RPGRIP1: variants seen among roughly 807,000 people sequenced by gnomAD.
The protein encoded by RPGRIP1 is RPGR interacting protein 1, also known as X-linked retinitis pigmentosa GTPase regulator-interacting protein 1.
In RPGRIP1, 128 loss-of-function variants were observed where a neutral mutation model predicts 157.9. The ratio of observed to expected loss-of-function variants is 0.81; its 90% CI spans 0.70 to 0.94. The LOEUF (loss-of-function observed/expected upper bound fraction) is 0.94, where lower values mean the gene tolerates loss of function less well. Among genes scored for constraint, RPGRIP1 ranks in the 40% least tolerant of loss-of-function variants. The probability of loss-of-function intolerance (pLI) is 0.00; values close to 1 mark genes in which losing one functional copy is unlikely to be tolerated. For synonymous variants in RPGRIP1, 554 were observed against 571.6 expected, an observed-to-expected ratio of 0.97 and a Z score of 0.44; for missense variants, 1,486 against 1,545.8, an observed-to-expected ratio of 0.96 and a Z score of 0.65.
chr14:21,304,870 C>T (rs1250499417), intron 6 of RPGRIP1, among the ~76,000 whole-genome samples: 1 of 151,702 alleles, frequency 6.6e-6, no homozygotes, highest in African/African-American at 2.4e-5. Context: ...GGCGTGATCT[C>T]GGCTCACTGC....
chr14:21,315,377 G>A (rs1881732290), intron 10 of RPGRIP1, among the ~76,000 whole-genome samples: 1 of 151,646 alleles, frequency 6.6e-6, no homozygotes. Flanking sequence ...CGTGGTGGCA[G>A]GTGCCTGTAG....
chr14:21,341,403 T>A (rs998357830), intron 21 of RPGRIP1, among the ~76,000 whole-genome samples: 1 of 152,114 alleles, frequency 6.6e-6, no homozygotes, highest in Non-Finnish European at 1.5e-5. Flanking sequence ...GCCTGCTGAA[T>A]TTCTTAGGGG....
intron 24 of RPGRIP1, among the ~76,000 whole-genome samples, chr14:21,349,960 G>A (rs1464658800): frequency 6.6e-6 from 1 of 152,162 alleles, no homozygotes; most frequent in African/African-American, 2.4e-5. Context: ...AGACACTTAA[G>A]ATTATCCACT....
In RPGRIP1 at chr14:21,348,092, T is replaced by C. The variant is rs1016852356; in HGVS notation, c.3618-80T>C. On this transcript the variant is annotated intron_variant, in intron 23 of 24. Transcript: ENST00000400017. ...GATTCAGAGAAGACGTTGTATTGTTTATGATTACTTTTATCCTTATTTTAT... is the reference window on the plus strand; with the variant it reads ...GATTCAGAGAAGACGTTGTATTGTTCATGATTACTTTTATCCTTATTTTAT... 4 of 1,187,800 alleles carry C rather than the reference T, an allele frequency of 3.4e-6. No homozygotes were observed. The East Asian group carries it at 8.5e-5, about 25-fold the overall frequency. The allele number at this position is 1,187,800 out of a possible 1,614,324, so 73.6% of individuals were successfully genotyped here.
At chr14:21,308,616 T>TA (rs1430973300) in intron 7 of RPGRIP1, among the ~76,000 whole-genome samples, 4 of 152,196 alleles carry the variant, frequency 2.6e-5, no homozygotes, top group Non-Finnish European at 5.9e-5. Context: ...TCACGCGAAT[T>TA]AGATAAAACG....
In RPGRIP1 at chr14:21,310,823, G is replaced by C. The variant is rs202088735; in HGVS notation, c.930+216G>C. ...TTCATAAAAATTGAAATATGAAATT[G>C]TAGTTGAGAAATATTTGGCATGGTA... is the stretch of plus-strand genomic sequence containing the variant. On this transcript the variant is annotated intron_variant, in intron 8 of 24. Transcript: ENST00000400017. 56 of 679,514 alleles carry C rather than the reference G, an allele frequency of 8.2e-5. No individual in the cohort carries two copies. In the East Asian group the frequency reaches 1.5e-3, roughly 18 times the overall value. The allele number at this position is 679,514 out of a possible 1,614,324, so 42.1% of individuals were successfully genotyped here. A position where few individuals can be genotyped will look rare whatever the true frequency, so the allele number is the denominator to read the frequency against.
At chr14:21,303,586 A>G in intron 6 of RPGRIP1, 43 bp downstream of exon 6, 2 of 1,420,594 alleles carry the variant, frequency 1.4e-6, no homozygotes, top group Non-Finnish European at 2.0e-6. Flanking sequence ...AACGAACTGA[A>G]AAAGCTAAGA....
chr14:21,333,574 G>A (rs1388996079), intron 20 of RPGRIP1, among the ~76,000 whole-genome samples: 1 of 150,464 alleles, frequency 6.6e-6, no homozygotes, highest in Non-Finnish European at 1.5e-5. Context: ...CTCTCTCAAT[G>A]TGGCATTAGA....
chr14:21,323,192 C>A (rs12586823), intron 14 of RPGRIP1, among the ~76,000 whole-genome samples: 52,434 of 151,784 alleles, frequency 0.35, 9,459 homozygotes, highest in East Asian at 0.43. Context: ...GAGGACGAGG[C>A]GGGCGGATTG....
chr14:21,325,426 C>G, intron 16 of RPGRIP1, 43 bp downstream of exon 16: 1 of 1,538,542 alleles, frequency 6.5e-7, no homozygotes, highest in Non-Finnish European at 8.8e-7. Flanking sequence ...GGAGCCTCAG[C>G]CAAACAGCTC....
At chr14:21,324,487 C>T in intron 14 of RPGRIP1, 131 bp from the exon 15 acceptor site, 1 of 769,830 alleles carries the variant, frequency 1.3e-6, no homozygotes, top group East Asian at 2.6e-5. Flanking sequence ...CCTTTTGAAT[C>T]ACGTGGTTTC....
At chr14:21,329,658 C>T (rs1053632452) in intron 19 of RPGRIP1, among the ~76,000 whole-genome samples, 2 of 150,702 alleles carry the variant, frequency 1.3e-5, no homozygotes, top group South Asian at 2.1e-4. Context: ...CGTGCCACCA[C>T]ACCCAGCTAA....
At position 21,311,847 on chromosome 14, in the gene RPGRIP1, C is replaced by T. The variant is rs1448376972; in HGVS notation, c.954C>T (p.Ala318=). ...AGAATCAGGGAATCCTGAGTGCAGC[C>T]CATGAGGCCCTCCTCAAGCAAGTGA... ...LQKNQGILSA[A]HEALLKQVNE... is the part of the protein sequence containing the mutation. The change falls in exon 9 of 25, where the codon GCC becomes GCT. Residue 318 remains alanine (A), a synonymous_variant. Transcript: ENST00000400017. 6.2e-7 allele frequency: 1 copy of T among 1,609,260 alleles called. No individual in the cohort carries two copies. Among genetic ancestry groups the T allele is most frequent in the Non-Finnish European group, 8.5e-7 (1 of 1,178,170 alleles).
At chr14:21,321,757 G>A in intron 13 of RPGRIP1, 97 bp from the exon 14 acceptor site, 1 of 1,207,870 alleles carries the variant, frequency 8.3e-7, no homozygotes, top group African/African-American at 1.5e-5. Flanking sequence ...GCCCAGCTAA[G>A]GATAGCAGTC....
At chr14:21,320,958 C>T (rs951674381) in intron 12 of RPGRIP1, among the ~76,000 whole-genome samples, 3 of 152,168 alleles carry the variant, frequency 2.0e-5, no homozygotes, top group Non-Finnish European at 4.4e-5. Flanking sequence ...TCATGAGCTC[C>T]ACCCATTTCT....
intron 10 of RPGRIP1, among the ~76,000 whole-genome samples, chr14:21,317,106 C>T (rs189499403): frequency 0.014 from 2,140 of 149,206 alleles, 17 homozygotes; most frequent in Non-Finnish European, 0.019. Context: ...GGTGACAGCT[C>T]GAGATTCTGT....
chr14:21,341,313 G>A (rs536921949), intron 21 of RPGRIP1, among the ~76,000 whole-genome samples: 1 of 152,266 alleles, frequency 6.6e-6, no homozygotes, highest in Non-Finnish European at 1.5e-5. Flanking sequence ...TTACAGGTGT[G>A]AGCCTCTGCA....
chr14:21,347,025 G>T (rs1885636013), intron 23 of RPGRIP1, among the ~76,000 whole-genome samples: 1 of 152,026 alleles, frequency 6.6e-6, no homozygotes, highest in Admixed American at 6.5e-5. Context: ...AAGTGATTTG[G>T]TTCTTTCCTT....
intron 1 of RPGRIP1, among the ~76,000 whole-genome samples, chr14:21,283,801 C>T (rs184062105): frequency 1.5e-3 from 231 of 151,900 alleles, no homozygotes; most frequent in African/African-American, 5.2e-3. Context: ...GGATTACAGG[C>T]GCCTGTCACC....
Sources: gnomAD v4.1 joint callset for allele counts (sites outside exome capture counted in the v4.1 genomes callset) on GRCh38, gnomAD v4.1.1 for gene constraint, MANE v1.5 for transcripts, NCBI Gene and HGNC (gene_info 2026-07-23, HGNC 2026-07-21) for gene names.